GNA12: variants seen among roughly 807,000 people sequenced by gnomAD.
GNA12 encodes G protein subunit alpha 12.
A neutral mutation model predicts 26.0 loss-of-function variants in GNA12; 9 were observed. The ratio of observed to expected loss-of-function variants is 0.35; its 90% CI spans 0.21 to 0.60. The LOEUF (loss-of-function observed/expected upper bound fraction) is 0.60. Among genes scored for constraint, GNA12 ranks in the 20% least tolerant of loss-of-function variants. The pLI is 0.78. For synonymous variants in GNA12, 264 were observed against 219.6 expected (o/e 1.20, Z -1.79); for missense variants, 405 against 525.8 (o/e 0.77, Z 2.25).
chr7:2,831,060 T>A (rs1793594695), intron 1 of GNA12, among the ~76,000 whole-genome samples: 1 of 152,148 alleles, frequency 6.6e-6, no homozygotes, highest in Non-Finnish European at 1.5e-5. Flanking sequence ...ACCTAGCACA[T>A]AAACACACAC....
chr7:2,776,397 A>G (rs1167772767), intron 2 of GNA12, among the ~76,000 whole-genome samples: 1 of 152,240 alleles, frequency 6.6e-6, no homozygotes, highest in Non-Finnish European at 1.5e-5. Context: ...GACACACTGT[A>G]CATCCCACGG....
In GNA12 at chr7:2,731,285, G is replaced by A; in HGVS notation, c.1042C>T (p.His348Tyr). The A allele has an allele frequency of 6.2e-7, 1 of 1,612,310 alleles. No individual in the cohort carries two copies. The change falls in exon 4 of 4, where the codon CAC (histidine) becomes TAC (tyrosine). Residue 348 changes from histidine to tyrosine, a missense_variant. By Grantham distance (83) the His-to-Tyr change is moderately conservative. Coordinates refer to ENST00000275364, the MANE Select transcript of GNA12 (RefSeq NM_007353.3). This position sits in a 1 kb window ranked among gnomAD's most constrained non-coding sequence, Gnocchi z 6.0. ...GTGTCGATGGCGGTGGTGAAGTGGT[G>A]GAAGAGTGGCTTGCTGCGGTTCCGT... ...KRRNRSKPLF[H>Y]HFTTAIDTEN...
intron 1 of GNA12, 36 bp from the exon 2 acceptor site, chr7:2,795,179 C>T (rs1260381567): frequency 6.6e-7 from 1 of 1,522,638 alleles, no homozygotes; most frequent in African/African-American, 1.4e-5. Context: ...GATTTAATTG[C>T]ATTCCAAAGA....
chr7:2,762,982 C>G, intron 2 of GNA12: 2 of 1,341,352 alleles, frequency 1.5e-6, no homozygotes, highest in Non-Finnish European at 1.9e-6. Context: ...CAGAAAGAGC[C>G]CTTGTGTGCT....
At chr7:2,840,158 C>G (rs1392942370) in intron 1 of GNA12, among the ~76,000 whole-genome samples, 1 of 152,120 alleles carries the variant, frequency 6.6e-6, no homozygotes, top group East Asian at 1.9e-4. Context: ...CTATCTAGTT[C>G]TACAGAACAT....
chr7:2,755,092 G>A (rs568792950), intron 2 of GNA12, among the ~76,000 whole-genome samples: 21 of 152,280 alleles, frequency 1.4e-4, no homozygotes, highest in African/African-American at 4.1e-4. Context: ...GCGTGCTGGC[G>A]GGGAGCGATC....
chr7:2,839,362 C>T lies in GNA12; in HGVS notation c.309+4491G>A, dbSNP rs145514438. ...GATCCTCCCACCCGCCTCCCAGGTTCAAGTGTGCACCACCACACCCGGCTA... is the reference window on the plus strand; with the variant it reads ...GATCCTCCCACCCGCCTCCCAGGTTTAAGTGTGCACCACCACACCCGGCTA... On this transcript the variant is annotated intron_variant, in intron 1 of 3. Coordinates refer to ENST00000275364, the MANE Select transcript of GNA12 (RefSeq NM_007353.3). 6.1e-3 allele frequency among the ~76,000 whole-genome samples: 930 copies of T among 152,118 alleles called. 6 individuals are homozygous for T. Among genetic ancestry groups the T allele is most frequent in the African/African-American group, 0.022 (894 of 41,494 alleles).
intron 1 of GNA12, among the ~76,000 whole-genome samples, chr7:2,811,706 G>A (rs1182602011): frequency 6.6e-6 from 1 of 152,172 alleles, no homozygotes; most frequent in East Asian, 1.9e-4. Context: ...TGCTGCCCAA[G>A]GGCTGCTGTC....
chr7:2,757,811 C>T (rs531216254), intron 2 of GNA12, among the ~76,000 whole-genome samples: 18 of 152,130 alleles, frequency 1.2e-4, no homozygotes, highest in African/African-American at 3.1e-4. Context: ...ACGTACTGAA[C>T]GCTTGCTGAG....
chr7:2,735,296 C>T (rs1790111441), intron 2 of GNA12, among the ~76,000 whole-genome samples: 1 of 152,172 alleles, frequency 6.6e-6, no homozygotes, highest in African/African-American at 2.4e-5. Flanking sequence ...GCTCACAGCC[C>T]AAGCCACCCT....
chr7:2,776,265 T>C (rs1295609500), intron 2 of GNA12, among the ~76,000 whole-genome samples: 1 of 152,172 alleles, frequency 6.6e-6, no homozygotes, highest in Non-Finnish European at 1.5e-5. Flanking sequence ...GAGTGAACAC[T>C]GACTCTGGAC....
chr7:2,768,691 A>C (rs201029869), intron 2 of GNA12, among the ~76,000 whole-genome samples: 39 of 142,646 alleles, frequency 2.7e-4, no homozygotes, highest in African/African-American at 5.6e-4. Context: ...ACAAAACAAA[A>C]AAAAAAACAG....
intron 2 of GNA12, among the ~76,000 whole-genome samples, chr7:2,770,655 A>C (rs1246885756): frequency 6.6e-6 from 1 of 151,980 alleles, no homozygotes; most frequent in African/African-American, 2.4e-5. Flanking sequence ...AACAACAACA[A>C]AACAAAACAA....
At position 2,731,731 on chromosome 7, in the gene GNA12, TG is replaced by T; in HGVS notation, c.595del (p.Gln199LysfsTer76). The T allele has an allele frequency of 6.5e-7, 1 of 1,541,134 alleles. No homozygotes were observed. The highest frequency in any genetic ancestry group is 8.8e-7 in the Non-Finnish European group (1 of 1,138,268). ...GGCTTTCCTAGCCAGCAGGATATCT[TG>T]CTTACTAGGAAAGTAATTCTGTAAA... Reference protein sequence around the residue: ...IGQLNYFPSKQDILLARKATK... With the variant: ...IGQLNYFPSKXDILLARKATK... On this transcript the variant is annotated frameshift_variant, in exon 4 of 4. Coordinates refer to ENST00000275364, the MANE Select transcript of GNA12 (RefSeq NM_007353.3). LOFTEE classifies it high-confidence loss of function. This position sits in a 1 kb window ranked among gnomAD's most constrained non-coding sequence, Gnocchi z 6.0.
At chr7:2,755,654 TG>T (rs574790779) in intron 2 of GNA12, among the ~76,000 whole-genome samples, 218 of 152,366 alleles carry the variant, frequency 1.4e-3, no homozygotes, top group Admixed American at 4.3e-3. Flanking sequence ...GTAGATTCCT[TG>T]GGATTTTCTG....
At chr7:2,810,018 G>C (rs999366795) in intron 1 of GNA12, among the ~76,000 whole-genome samples, 2 of 152,190 alleles carry the variant, frequency 1.3e-5, no homozygotes, top group East Asian at 1.9e-4. Flanking sequence ...CCTTCTTAGA[G>C]GGAAATGGTT....
chr7:2,841,991 G>A (rs1172926025), intron 1 of GNA12, among the ~76,000 whole-genome samples: 16 of 151,380 alleles, frequency 1.1e-4, no homozygotes. Context: ...ACAAGGAAAG[G>A]GTAGAGAGGT....
intron 1 of GNA12, chr7:2,835,549 C>A (rs1778813582): frequency 2.1e-6 from 1 of 484,064 alleles, no homozygotes; most frequent in Non-Finnish European, 3.9e-6. Flanking sequence ...CCAGGGAATT[C>A]TGGGCCGACA....
At chr7:2,836,261 T>C (rs1226025771) in intron 1 of GNA12, among the ~76,000 whole-genome samples, 1 of 152,108 alleles carries the variant, frequency 6.6e-6, no homozygotes, top group African/African-American at 2.4e-5. Context: ...CCCCAGACAC[T>C]GAGTAAAAAG....
Sources: allele counts gnomAD v4.1 joint callset (sites outside exome capture counted in the v4.1 genomes callset), GRCh38; gene constraint gnomAD v4.1.1; non-coding constraint Gnocchi (gnomAD v3.1); transcripts MANE v1.5; gene names NCBI Gene and HGNC (gene_info 2026-07-23, HGNC 2026-07-21).